Variants in ATP13A1 observed in about 807,000 individuals in gnomAD.
The protein encoded by ATP13A1 is endoplasmic reticulum transmembrane helix translocase.
In ATP13A1, 55 loss-of-function variants were observed where a neutral mutation model predicts 134.8. The ratio of observed to expected loss-of-function variants is 0.41; its 90% CI spans 0.33 to 0.51. The LOEUF (loss-of-function observed/expected upper bound fraction) is 0.51. Among genes scored for constraint, ATP13A1 ranks in the 20% least tolerant of loss-of-function variants. The pLI, the probability that ATP13A1 is intolerant of heterozygous loss-of-function variation, is 0.29. For missense variants in ATP13A1, 1,389 were observed against 1,652.8 expected, an observed-to-expected ratio of 0.84 and a Z score of 2.77; for synonymous variants, 775 against 725.1, an observed-to-expected ratio of 1.07 and a Z score of -1.10.
In ATP13A1 at chr19:19,649,767, A is replaced by C; in HGVS notation, c.2509T>G (p.Phe837Val). Reference protein sequence around the residue: ...LLRLIPHVQVFARVAPKQKEF... With the variant: ...LLRLIPHVQVVARVAPKQKEF... ...TTCTGCTTGGGAGCCACACGGGCGA[A>C]CACCTGCACATGGGGGATGAGGCGG... The change falls in exon 18 of 26, where the codon TTC becomes GTC. Residue 837 changes from phenylalanine (F) to valine (V), a missense_variant. Phe to Val is a conservative substitution (Grantham distance 50). This residue lies in a region of ATP13A1 where 747 missense variants were observed against 956.1 expected (regional missense o/e 0.78). Coordinates refer to ENST00000357324, the MANE Select transcript of ATP13A1 (RefSeq NM_020410.3). 1 of 1,600,742 alleles carries C rather than the reference A, an allele frequency of 6.2e-7. No individual in the cohort carries two copies. The highest frequency in any genetic ancestry group is 2.2e-5 in the East Asian group (1 of 44,620).
chr19:19,655,763 C>T lies in ATP13A1; in HGVS notation c.1270-109G>A, dbSNP rs2062053339. On this transcript the variant is annotated intron_variant, in intron 9 of 25. Coordinates refer to ENST00000357324, the MANE Select transcript of ATP13A1 (RefSeq NM_020410.3). This position sits in a 1 kb window ranked among gnomAD's most constrained non-coding sequence, Gnocchi z 5.7. ...TGGCCTCTGCACCCTGGCCCAGGTC[C>T]AGGGCCGTGCTGCCAGAGTCAGCCC... is the stretch of plus-strand genomic sequence containing the variant. 17 of 1,536,136 alleles carry T rather than the reference C, an allele frequency of 1.1e-5. No individual in the cohort carries two copies. The South Asian group carries it at 1.9e-4, about 17-fold the overall frequency.
At position 19,656,003 on chromosome 19, in the gene ATP13A1, G is replaced by A. The variant is rs1027274856; in HGVS notation, c.1213+51C>T. On this transcript the variant is annotated intron_variant, in intron 8 of 25. Coordinates refer to ENST00000357324, the MANE Select transcript of ATP13A1 (RefSeq NM_020410.3). The surrounding 1 kb of genome is among the most constrained non-coding windows in gnomAD (Gnocchi z 4.6). ...TGACTCCCTCATGATCAAGCAGACG[G>A]GCAAAGGGGGTGGAAGCCCAGATAC... The A allele has an allele frequency of 4.4e-5, 71 of 1,612,328 alleles. No individual in the cohort carries two copies. Among genetic ancestry groups the A allele is most frequent in the Non-Finnish European group, 5.8e-5 (69 of 1,179,584 alleles).
chr19:19,648,514 A>G (rs1294314015), intron 19 of ATP13A1, among the ~76,000 whole-genome samples: 9 of 148,640 alleles, frequency 6.1e-5, no homozygotes, highest in Middle Eastern at 3.5e-3. Flanking sequence ...AAAAAAAAGA[A>G]AAAAGAAAAA....
At position 19,658,172 on chromosome 19, in the gene ATP13A1, A is replaced by G. The variant is rs1055149999; in HGVS notation, c.678-764T>C. Reference sequence around the variant, plus strand: ...TCCAAAAAAAAAAAAAAAAAAAAAAAAGGCTCGAGAATGCAAGGACTTGGG... The same window carrying G: ...TCCAAAAAAAAAAAAAAAAAAAAAAGAGGCTCGAGAATGCAAGGACTTGGG... On this transcript the variant is annotated intron_variant, in intron 3 of 25. Coordinates refer to ENST00000357324, the MANE Select transcript of ATP13A1 (RefSeq NM_020410.3). Among the ~76,000 whole-genome samples, 119 of 143,262 alleles carry G rather than the reference A, an allele frequency of 8.3e-4. 1 individual carries two copies. The highest frequency in any genetic ancestry group is 3.0e-3 in the African/African-American group (112 of 37,896). 94.0% of individuals were successfully genotyped at this position (143,262 alleles called of 152,430 possible).
In ATP13A1 at chr19:19,645,892, G is replaced by T; in HGVS notation, c.3342C>A (p.Thr1114=). The change falls in exon 24 of 26, where the codon ACC becomes ACA. Residue 1114 remains threonine, a synonymous_variant. Coordinates refer to ENST00000357324, the MANE Select transcript of ATP13A1 (RefSeq NM_020410.3). The surrounding 1 kb of genome is among the most constrained non-coding windows in gnomAD (Gnocchi z 4.1). The stretch of plus-strand genomic sequence containing the variant: ...GCCTTACTTTGTAATTGATGGCGAA[G>T]GTGGCCATCTGCATGGCCATGGCCA... ...YIMAMAMQMA[T]FAINYKGPPF... 4 of 1,613,908 alleles carry T rather than the reference G, an allele frequency of 2.5e-6. No homozygotes were observed. Among genetic ancestry groups the T allele is most frequent in the Non-Finnish European group, 3.4e-6 (4 of 1,179,862 alleles).
chr19:19,649,788 G>A lies in ATP13A1; in HGVS notation c.2488C>T (p.Leu830Phe), dbSNP rs2062012390. The change falls in exon 18 of 26, where the codon CTC becomes TTC. Residue 830 changes from leucine (L) to phenylalanine (F), a missense_variant. By Grantham distance (22) the Leu-to-Phe change is conservative. Transcript: ENST00000357324. ...GCGAACACCTGCACATGGGGGATGA[G>A]GCGGAGCAGCTGCTGGGGGTCGGTG... ...QATDPQQLLRLIPHVQVFARV... is the reference protein window; with the variant it reads ...QATDPQQLLRFIPHVQVFARV... 1.9e-6 allele frequency: 3 copies of A among 1,601,890 alleles called. No individual in the cohort carries two copies. The highest frequency in any genetic ancestry group is 1.7e-6 in the Non-Finnish European group (2 of 1,175,964).
At chr19:19,646,782 C>T (rs1404285611) in intron 22 of ATP13A1, 5 of 389,036 alleles carry the variant, frequency 1.3e-5, no homozygotes, top group Non-Finnish European at 1.4e-5. Flanking sequence ...GTGTCGGTGT[C>T]GCACAGGCCT....
intron 19 of ATP13A1, among the ~76,000 whole-genome samples, chr19:19,648,633 AC>A (rs2062002494): frequency 6.6e-6 from 1 of 151,466 alleles, no homozygotes; most frequent in Non-Finnish European, 1.5e-5. Flanking sequence ...ACATGGTGAA[AC>A]CCCATCTCTA....
intron 17 of ATP13A1, chr19:19,650,314 A>C: frequency 4.1e-6 from 1 of 246,716 alleles, no homozygotes; most frequent in Non-Finnish European, 7.9e-6. Flanking sequence ...CACCTCATTT[A>C]TCCCTGCGCC....
At chr19:19,654,258 G>A (rs922615206) in intron 13 of ATP13A1, 114 bp from the exon 14 acceptor site, 69 of 1,175,866 alleles carry the variant, frequency 5.9e-5, no homozygotes, top group Non-Finnish European at 7.2e-5. Flanking sequence ...GGGCCTGATC[G>A]GGGCTCTGGG....
chr19:19,654,680 G>T lies in ATP13A1; in HGVS notation c.1676C>A (p.Pro559Gln). 1 of 1,612,834 alleles carries T rather than the reference G, an allele frequency of 6.2e-7. No homozygotes were observed. ...TGTTTCTACAGGGATGCTGGACACT[G>T]GGGTCACCTCCTTCCCGTCTCTGCA... ...AGLRDGKEVTPVSSIPVETHR... is the reference protein window; with the variant it reads ...AGLRDGKEVTQVSSIPVETHR... The change falls in exon 13 of 26, where the codon CCA becomes CAA. Residue 559 changes from proline (P) to glutamine (Q), a missense_variant. By Grantham distance (76) the Pro-to-Gln change is moderately conservative (BLOSUM62 -1). Transcript: ENST00000357324.
chr19:19,646,153 C>A, intron 23 of ATP13A1, 52 bp downstream of exon 23: 2 of 1,610,802 alleles, frequency 1.2e-6, no homozygotes, highest in Admixed American at 3.4e-5. Flanking sequence ...TGGAGTCATC[C>A]TCCTGCTATT....
In ATP13A1 at chr19:19,656,587, C is replaced by G. The variant is rs555153218; in HGVS notation, c.1083+73G>C. 5 of 1,478,524 alleles carry G rather than the reference C, an allele frequency of 3.4e-6. No homozygotes were observed. The allele number at this position is 1,478,524 out of a possible 1,614,324, so 91.6% of individuals were successfully genotyped here. On this transcript the variant is annotated intron_variant, in intron 7 of 25. Transcript: ENST00000357324. The surrounding 1 kb of genome is among the most constrained non-coding windows in gnomAD (Gnocchi z 4.6). ...GCCTGTGCCTGAGGGGGATCCCCGC[C>G]ACCCCCTGGGCCTCCACCTCCTGGC...
chr19:19,660,234 C>T (rs148298466), intron 1 of ATP13A1, among the ~76,000 whole-genome samples: 1 of 152,356 alleles, frequency 6.6e-6, no homozygotes, highest in East Asian at 1.9e-4. Context: ...ATAATCCCAG[C>T]ACTTTGGGAG....
In ATP13A1 at chr19:19,655,433, T is replaced by C; in HGVS notation, c.1417A>G (p.Asn473Asp). 2 of 1,613,868 alleles carry C rather than the reference T, an allele frequency of 1.2e-6. No individual in the cohort carries two copies. The highest frequency in any genetic ancestry group is 1.7e-6 in the Non-Finnish European group (2 of 1,179,792). Residue 473 changes from asparagine to aspartate, a missense_variant, in exon 11 of 26, where the codon AAC becomes GAC. Transcript: ENST00000357324. This position sits in a 1 kb window ranked among gnomAD's most constrained non-coding sequence, Gnocchi z 5.7. ...CACTCCAGAAACAGCTTGTAGCGGT[T>C]CCGGCTGGGGTCCTTGGTACCTGTG... Reference protein sequence around the residue: ...WIEGTKDPSRNRYKLFLECTL... With the variant: ...WIEGTKDPSRDRYKLFLECTL...
Position 19,659,943 on chromosome 19 carries a change from G to C in ATP13A1, c.441C>G (p.Thr147=), listed in dbSNP as rs774548745. 6.3e-7 allele frequency: 1 copy of C among 1,586,350 alleles called. No homozygotes were observed. Among genetic ancestry groups the C allele is most frequent in the Non-Finnish European group, 8.6e-7 (1 of 1,167,742 alleles). Residue 147 remains threonine, a synonymous_variant, in exon 2 of 26, where the codon ACC becomes ACG. Transcript: ENST00000357324. ...SKATFVKVVP[T]PNNGSTELVA... Reference sequence around the variant, plus strand: ...CGAGCTCCGTGGAGCCATTGTTGGGGGTTGGCACCACCTTCACAAAGGTCG... The same window carrying C: ...CGAGCTCCGTGGAGCCATTGTTGGGCGTTGGCACCACCTTCACAAAGGTCG...
At chr19:19,646,760 G>C (rs551334590) in intron 22 of ATP13A1, 1 of 377,796 alleles carries the variant, frequency 2.6e-6, no homozygotes, top group Non-Finnish European at 4.9e-6. Flanking sequence ...GGTTCTTTAC[G>C]CCTTGGCCTG....
rs1568430743 is a variant in ATP13A1 at position 19,660,002 on chromosome 19, G to A, written c.397-15C>T. The A allele has an allele frequency of 1.9e-6, 3 of 1,553,100 alleles. No individual in the cohort carries two copies. Among genetic ancestry groups the A allele is most frequent in the South Asian group, 1.2e-5 (1 of 83,564 alleles). On this transcript the variant is annotated splice_polypyrimidine_tract_variant and intron_variant, in intron 1 of 25. Coordinates refer to ENST00000357324, the MANE Select transcript of ATP13A1 (RefSeq NM_020410.3). ...GGGTCGTACTCCTGACAGAGACAAA[G>A]AAAGCATTGTGGCTTAGCTCTTCTC...
chr19:19,660,188 C>G (rs899934015), intron 1 of ATP13A1, among the ~76,000 whole-genome samples: 4 of 152,194 alleles, frequency 2.6e-5, no homozygotes, highest in Non-Finnish European at 5.9e-5. Context: ...ACACTTAAAG[C>G]TGGGAGCACA....
Sources: allele counts gnomAD v4.1 joint callset (sites outside exome capture counted in the v4.1 genomes callset), GRCh38; gene constraint gnomAD v4.1.1; regional missense constraint gnomAD v4.1.1; non-coding constraint Gnocchi (gnomAD v3.1); transcripts MANE v1.5; gene names NCBI Gene and HGNC (gene_info 2026-07-23, HGNC 2026-07-21).